The following CENPF variants were observed in gnomAD, a reference collection of about 807,000 sequenced individuals.
The protein encoded by CENPF is AH antigen.
A neutral mutation model predicts 307.3 loss-of-function variants in CENPF; 214 were observed. The ratio of observed to expected loss-of-function variants is 0.70; its 90% CI spans 0.62 to 0.78. The LOEUF (loss-of-function observed/expected upper bound fraction) is 0.78, where lower values mean the gene tolerates loss of function less well. Among genes scored for constraint, CENPF ranks in the 30% least tolerant of loss-of-function variants. The probability of loss-of-function intolerance (pLI) is 0.00; values close to 1 mark genes in which losing one functional copy is unlikely to be tolerated. For synonymous variants in CENPF, 1,259 were observed against 1,270.6 expected, an observed-to-expected ratio of 0.99 and a Z score of 0.19; for missense variants, 3,401 against 3,483.9, an observed-to-expected ratio of 0.98 and a Z score of 0.60.
chr1:214,641,213 A>T lies in CENPF; in HGVS notation c.2875A>T (p.Ser959Cys), dbSNP rs1371396088. 6.2e-7 allele frequency: 1 copy of T among 1,608,546 alleles called. No homozygotes were observed. The highest frequency in any genetic ancestry group is 8.5e-7 in the Non-Finnish European group (1 of 1,178,406). Residue 959 changes from serine (S) to cysteine (C), a missense_variant, in exon 12 of 20, where the codon AGT becomes TGT. Ser to Cys is a moderately radical substitution (Grantham distance 112). Coordinates refer to ENST00000366955, the MANE Select transcript of CENPF (RefSeq NM_016343.4). ...ETLSLEKKEM[S>C]SIISLNKREI... ...CCTAAGCTTGGAGAAGAAAGAAATG[A>T]GTTCCATCATTTCTCTAAATAAAAG... is the stretch of plus-strand genomic sequence containing the variant.
chr1:214,658,220 C>T (rs1458843362), intron 18 of CENPF, among the ~76,000 whole-genome samples: 2 of 152,052 alleles, frequency 1.3e-5, no homozygotes, highest in East Asian at 1.9e-4. Context: ...TTTAGTTAGC[C>T]CTGAATGCAG....
Position 214,642,682 on chromosome 1 carries a change from C to T in CENPF, c.4344C>T (p.Val1448=). ...YVDSLKAENL[V]LSTNLRNFQG... The stretch of plus-strand genomic sequence containing the variant: ...ACTCATTAAAGGCCGAAAATTTGGT[C>T]TTGTCAACGAATCTGAGAAACTTTC... The change falls in exon 12 of 20, where the codon GTC becomes GTT. Residue 1448 remains valine (V), a synonymous_variant. Transcript: ENST00000366955. 2 of 1,614,092 alleles carry T rather than the reference C, an allele frequency of 1.2e-6. No homozygotes were observed. The highest frequency in any genetic ancestry group is 1.3e-5 in the African/African-American group (1 of 75,028).
At position 214,642,644 on chromosome 1, in the gene CENPF, C is replaced by G; in HGVS notation, c.4306C>G (p.Gln1436Glu). Residue 1436 changes from glutamine to glutamate, a missense_variant, in exon 12 of 20, where the codon CAG (glutamine) becomes GAG (glutamate). Coordinates refer to ENST00000366955, the MANE Select transcript of CENPF (RefSeq NM_016343.4). ...GATGAGCTCTAAAATGTCAGAGCTG[C>G]AGACCTATGTTGACTCATTAAAGGC... Reference protein sequence around the residue: ...CQMSSKMSELQTYVDSLKAEN... With the variant: ...CQMSSKMSELETYVDSLKAEN... 1 of 1,613,874 alleles carries G rather than the reference C, an allele frequency of 6.2e-7. No homozygotes were observed. Among genetic ancestry groups the G allele is most frequent in the Non-Finnish European group, 8.5e-7 (1 of 1,179,900 alleles).
At chr1:214,633,719 G>T (rs1657873553) in intron 10 of CENPF, among the ~76,000 whole-genome samples, 1 of 147,274 alleles carries the variant, frequency 6.8e-6, no homozygotes, top group Non-Finnish European at 1.5e-5. Flanking sequence ...GAGATAGGGG[G>T]CTGCAGCTCC....
intron 19 of CENPF, among the ~76,000 whole-genome samples, chr1:214,662,247 C>A (rs1658805082): frequency 6.7e-6 from 1 of 149,712 alleles, no homozygotes; most frequent in Admixed American, 6.7e-5. Context: ...ATCACTATTT[C>A]TCTTTAAAAA....
At position 214,640,862 on chromosome 1, in the gene CENPF, C is replaced by G; in HGVS notation, c.2524C>G (p.Gln842Glu). 1 of 1,598,418 alleles carries G rather than the reference C, an allele frequency of 6.3e-7. No homozygotes were observed. Among genetic ancestry groups the G allele is most frequent in the Non-Finnish European group, 8.5e-7 (1 of 1,175,666 alleles). The change falls in exon 12 of 20, where the codon CAA (glutamine) becomes GAA (glutamate). Residue 842 changes from glutamine to glutamate, a missense_variant. Gln to Glu is a conservative substitution (Grantham distance 29). Coordinates refer to ENST00000366955, the MANE Select transcript of CENPF (RefSeq NM_016343.4). ...TTCACTTGAATTTTCATTAGAGTCT[C>G]AAAAACAGATGAACTCAGACCTGCA... ...VDSLEFSLES[Q>E]KQMNSDLQKQ...
chr1:214,629,104 A>G lies in CENPF; in HGVS notation c.1127A>G (p.Gln376Arg), dbSNP rs1413297704. The G allele has an allele frequency of 6.2e-7, 1 of 1,612,404 alleles. No homozygotes were observed. Among genetic ancestry groups the G allele is most frequent in the African/African-American group, 1.3e-5 (1 of 74,828 alleles). ...ACGGAAGATTTGAGTTGTCAGCGAC[A>G]AAATGCAGAAAGTGCCAGATGTTCT... Reference protein sequence around the residue: ...KLTEDLSCQRQNAESARCSLE... With the variant: ...KLTEDLSCQRRNAESARCSLE... Residue 376 changes from glutamine to arginine, a missense_variant, in exon 8 of 20, where the codon CAA (glutamine) becomes CGA (arginine). By Grantham distance (43) the Gln-to-Arg change is conservative (BLOSUM62 1). Coordinates refer to ENST00000366955, the MANE Select transcript of CENPF (RefSeq NM_016343.4).
At chr1:214,632,245 T>C (rs1350941278) in intron 9 of CENPF, among the ~76,000 whole-genome samples, 1 of 152,188 alleles carries the variant, frequency 6.6e-6, no homozygotes, top group African/African-American at 2.4e-5. Context: ...TTTTCCTGTG[T>C]GGTCTCCTTG....
At position 214,632,593 on chromosome 1, in the gene CENPF, A is replaced by T; in HGVS notation, c.1437A>T (p.Arg479Ser). 1 of 1,613,780 alleles carries T rather than the reference A, an allele frequency of 6.2e-7. No individual in the cohort carries two copies. Among genetic ancestry groups the T allele is most frequent in the Non-Finnish European group, 8.5e-7 (1 of 1,179,856 alleles). The change falls in exon 10 of 20, where the codon AGA becomes AGT. Residue 479 changes from arginine to serine, a missense_variant. Arg to Ser is a moderately radical substitution (Grantham distance 110, BLOSUM62 -1). Transcript: ENST00000366955. ...AGATCAAGGAGAATGAGCTGAGGAG[A>T]AGCATGGAGGTAAGGGAGGAGGATG... ...ASQIKENELR[R>S]SMEEMKKENN...
Position 214,640,751 on chromosome 1 carries a change from G to A in CENPF, c.2413G>A (p.Gly805Arg), listed in dbSNP as rs753438913. 9.9e-6 allele frequency: 16 copies of A among 1,614,002 alleles called. No homozygotes were observed. Among genetic ancestry groups the A allele is most frequent in the African/African-American group, 1.3e-5 (1 of 74,928 alleles). The change falls in exon 12 of 20, where the codon GGA becomes AGA. Residue 805 changes from glycine (G) to arginine (R), a missense_variant. Physicochemically the swap from Gly to Arg is moderately radical, Grantham distance 125. Transcript: ENST00000366955. ...HSFANIIGEQ[G>R]SMPSERSECR... ...CTTTGCAAATATAATTGGAGAACAA[G>A]GAAGCATGCCTTCAGAGAGGAGTGA...
chr1:214,650,266 AT>A (rs901746884), intron 14 of CENPF, among the ~76,000 whole-genome samples: 10 of 138,808 alleles, frequency 7.2e-5, no homozygotes, highest in South Asian at 6.9e-4. Context: ...AGATCTTTGT[AT>A]TTTTTTTAGA....
At chr1:214,656,885 C>T in intron 17 of CENPF, 48 bp from the exon 18 acceptor site, 1 of 1,247,870 alleles carries the variant, frequency 8.0e-7, no homozygotes, top group South Asian at 1.4e-5. Flanking sequence ...CCATTGTTAA[C>T]TAGAGAAGCA....
Position 214,642,690 on chromosome 1 carries a change from C to A in CENPF, c.4352C>A (p.Thr1451Lys). 1 of 1,614,084 alleles carries A rather than the reference C, an allele frequency of 6.2e-7. No homozygotes were observed. The change falls in exon 12 of 20, where the codon ACG (threonine) becomes AAG (lysine). Residue 1451 changes from threonine (T) to lysine (K), a missense_variant. Transcript: ENST00000366955. ...AAGGCCGAAAATTTGGTCTTGTCAACGAATCTGAGAAACTTTCAAGGTGAC... is the reference window on the plus strand; with the variant it reads ...AAGGCCGAAAATTTGGTCTTGTCAAAGAATCTGAGAAACTTTCAAGGTGAC... ...SLKAENLVLSTNLRNFQGDLV... is the reference protein window; with the variant it reads ...SLKAENLVLSKNLRNFQGDLV...
At chr1:214,620,134 G>A (rs1657465414) in intron 5 of CENPF, among the ~76,000 whole-genome samples, 1 of 152,198 alleles carries the variant, frequency 6.6e-6, no homozygotes, top group South Asian at 2.1e-4. Context: ...AGCATAGAAA[G>A]AACAATGCAA....
In CENPF at chr1:214,643,284, A is replaced by G. The variant is rs758251180; in HGVS notation, c.4946A>G (p.Asp1649Gly). 1.9e-5 allele frequency: 29 copies of G among 1,528,460 alleles called. No homozygotes were observed. The highest frequency in any genetic ancestry group is 2.4e-5 in the Non-Finnish European group (28 of 1,142,968). The allele number at this position is 1,528,460 out of a possible 1,614,324, so 94.7% of individuals were successfully genotyped here. ...EVARLQLQGL[D>G]LSSRSLLGID... ...GCACGACTCCAGCTACAAGGTCTGG[A>G]CTTAAGTTCTCGGTCTTTGCTTGGC... Residue 1649 changes from aspartate (D) to glycine (G), a missense_variant, in exon 12 of 20, where the codon GAC (aspartate) becomes GGC (glycine). By Grantham distance (94) the Asp-to-Gly change is moderately conservative. Transcript: ENST00000366955.
chr1:214,604,623 T>A (rs1172808029), intron 1 of CENPF, among the ~76,000 whole-genome samples: 1 of 152,208 alleles, frequency 6.6e-6, no homozygotes, highest in Non-Finnish European at 1.5e-5. Flanking sequence ...GGCTATAGCA[T>A]CTTGATGTAA....
intron 7 of CENPF, among the ~76,000 whole-genome samples, chr1:214,624,233 G>A (rs1274876987): frequency 6.6e-6 from 1 of 151,886 alleles, no homozygotes; most frequent in Non-Finnish European, 1.5e-5. Context: ...ATATTGGTTG[G>A]CTTTCTTTTT....
In CENPF at chr1:214,657,332, T is replaced by C; in HGVS notation, c.8885T>C (p.Met2962Thr). 6.2e-7 allele frequency: 1 copy of C among 1,613,774 alleles called. No individual in the cohort carries two copies. Among genetic ancestry groups the C allele is most frequent in the Non-Finnish European group, 8.5e-7 (1 of 1,180,016 alleles). The change falls in exon 18 of 20, where the codon ATG (methionine) becomes ACG (threonine). Residue 2962 changes from methionine to threonine, a missense_variant. By Grantham distance (81) the Met-to-Thr change is moderately conservative. Coordinates refer to ENST00000366955, the MANE Select transcript of CENPF (RefSeq NM_016343.4). ...TCTAAAAAAAGCAAGAAAGCAGTCA[T>C]GAGTGGTATTCACCCTGCAGAAGAC... ...SFSKKSKKAV[M>T]SGIHPAEDTE...
chr1:214,625,591 CT>C (rs768444341), intron 7 of CENPF, among the ~76,000 whole-genome samples: 36 of 152,096 alleles, frequency 2.4e-4, no homozygotes, highest in Non-Finnish European at 4.9e-4. Context: ...ATATTGTGAC[CT>C]AAGTCTGCCA....
Sources: allele counts gnomAD v4.1 joint callset (sites outside exome capture counted in the v4.1 genomes callset), GRCh38; gene constraint gnomAD v4.1.1; transcripts MANE v1.5; gene names NCBI Gene and HGNC (gene_info 2026-07-23, HGNC 2026-07-21).